Variants in DNAH8 observed in about 807,000 individuals in gnomAD.
DNAH8 encodes the protein dynein axonemal heavy chain 8.
DNAH8 carries 382 observed loss-of-function variants against 562.1 expected under a neutral mutation model. That is an observed-to-expected ratio of 0.68 (90% confidence interval 0.63 to 0.74). The LOEUF (loss-of-function observed/expected upper bound fraction) is 0.74. Ranked by LOEUF, DNAH8 falls within the 30% of genes least tolerant of loss-of-function variation. DNAH8 has a pLI of 0.00. For synonymous variants in DNAH8, 1,881 were observed against 1,919.4 expected (o/e 0.98, Z 0.52); for missense variants, 5,203 against 5,620.4 (o/e 0.93, Z 2.37).
intron 91 of DNAH8, among the ~76,000 whole-genome samples, chr6:39,019,257 C>T (rs940988742): frequency 6.6e-6 from 1 of 152,080 alleles, no homozygotes; most frequent in Non-Finnish European, 1.5e-5. Flanking sequence ...ACCTCGCACA[C>T]TGTAACAAGA....
chr6:38,719,504 G>A (rs537482827), intron 1 of DNAH8, among the ~76,000 whole-genome samples: 44 of 152,196 alleles, frequency 2.9e-4, no homozygotes, highest in Admixed American at 1.1e-3. Context: ...CTGTTTCTGT[G>A]TTAGTTCACT....
chr6:38,720,334 G>A (rs1462788262), intron 1 of DNAH8, among the ~76,000 whole-genome samples: 2 of 152,204 alleles, frequency 1.3e-5, no homozygotes, highest in African/African-American at 4.8e-5. Context: ...CTTGGCCAAA[G>A]AAGACACCAA....
chr6:39,026,833 G>T (rs1451535030), intron 92 of DNAH8, among the ~76,000 whole-genome samples, 166 bp downstream of exon 92: 1 of 152,228 alleles, frequency 6.6e-6, no homozygotes, highest in Non-Finnish European at 1.5e-5. Context: ...TCCCCCATCT[G>T]CCAGAGTGGA....
chr6:38,917,535 C>A, intron 69 of DNAH8, 129 bp downstream of exon 69: 1 of 757,374 alleles, frequency 1.3e-6, no homozygotes, highest in Non-Finnish European at 2.1e-6. Flanking sequence ...TTATCTTAAA[C>A]TCCATCACCT....
Position 38,908,044 on chromosome 6 carries a change from C to T in DNAH8, c.9437C>T (p.Pro3146Leu). The change falls in exon 64 of 93, where the codon CCT becomes CTT. Residue 3146 changes from proline to leucine, a missense_variant. Coordinates refer to ENST00000327475, the MANE Select transcript of DNAH8 (RefSeq NM_001206927.2). The part of the protein sequence containing the change: ...VMKRELPRHP[P>L]TFDNLYEYFI... ...AAGAGGGAGCTACCTCGCCATCCTC[C>T]TACCTTTGATAATTTGTATGAATAC... 1 of 1,612,162 alleles carries T rather than the reference C, an allele frequency of 6.2e-7. No individual in the cohort carries two copies. The highest frequency in any genetic ancestry group is 1.1e-5 in the South Asian group (1 of 90,848).
At chr6:38,825,004 G>A (rs191094944) in intron 28 of DNAH8, among the ~76,000 whole-genome samples, 1 of 152,206 alleles carries the variant, frequency 6.6e-6, no homozygotes, top group East Asian at 1.9e-4. Flanking sequence ...CCTCATAATG[G>A]TTAGCACTAT....
chr6:38,812,878 C>G (rs905875132), intron 24 of DNAH8, among the ~76,000 whole-genome samples: 3 of 152,128 alleles, frequency 2.0e-5, no homozygotes, highest in African/African-American at 7.2e-5. Context: ...CCTCTCCCTA[C>G]CTTGGTTTCC....
intron 3 of DNAH8, among the ~76,000 whole-genome samples, chr6:38,725,805 C>G (rs7761815): frequency 0.75 from 114,523 of 152,094 alleles, 43,524 homozygotes; most frequent in East Asian, 0.99. Flanking sequence ...TAAATGTCTC[C>G]CATTTTCATT....
chr6:39,011,135 C>T (rs1476397051), intron 89 of DNAH8, among the ~76,000 whole-genome samples: 2 of 151,028 alleles, frequency 1.3e-5, no homozygotes, highest in East Asian at 2.0e-4. Context: ...TTGTGCTTTC[C>T]GTCTTCCTCT....
intron 21 of DNAH8, among the ~76,000 whole-genome samples, chr6:38,792,610 G>T (rs952695639): frequency 6.6e-6 from 1 of 152,136 alleles, no homozygotes. Flanking sequence ...AGTCCTTGCA[G>T]GATAAAATGT....
chr6:38,813,926 A>G (rs755649061), intron 24 of DNAH8, 128 bp from the exon 25 acceptor site: 16 of 734,854 alleles, frequency 2.2e-5, no homozygotes, highest in Admixed American at 1.7e-4. Flanking sequence ...GTTATAAGTA[A>G]TATTCTCTTT....
intron 87 of DNAH8, among the ~76,000 whole-genome samples, chr6:38,985,519 T>C (rs537468114): frequency 6.6e-6 from 1 of 152,262 alleles, no homozygotes; most frequent in Admixed American, 6.5e-5. Context: ...AAGCTACATA[T>C]GGAGAACTGT....
At chr6:38,929,971 T>C (rs1782433848) in intron 75 of DNAH8, among the ~76,000 whole-genome samples, 1 of 152,112 alleles carries the variant, frequency 6.6e-6, no homozygotes, top group Non-Finnish European at 1.5e-5. Context: ...GGAAACACAT[T>C]GTCTGGTCTT....
chr6:38,738,166 G>A (rs972348682), intron 7 of DNAH8, among the ~76,000 whole-genome samples, 194 bp downstream of exon 7: 1 of 152,144 alleles, frequency 6.6e-6, no homozygotes, highest in South Asian at 2.1e-4. Context: ...TCAATTTTAA[G>A]ATATTTCTCA....
In DNAH8 at chr6:38,807,606, A is replaced by G; in HGVS notation, c.3151-4A>G. On this transcript the variant is annotated splice_region_variant and splice_polypyrimidine_tract_variant and intron_variant, in intron 23 of 92. Transcript: ENST00000327475. The stretch of plus-strand genomic sequence containing the variant: ...ACCAAATTTAATCTGATTTCTTATT[A>G]CAGGAGTGTAAAGAGGTCTTTGCTT... 1.4e-6 allele frequency: 2 copies of G among 1,459,858 alleles called. No individual in the cohort carries two copies. Among genetic ancestry groups the G allele is most frequent in the Non-Finnish European group, 9.1e-7 (1 of 1,097,464 alleles). 90.4% of individuals were successfully genotyped at this position (1,459,858 alleles called of 1,614,324 possible).
At chr6:39,030,006 T>C in intron 92 of DNAH8, 99 bp from the exon 93 acceptor site, 1 of 907,836 alleles carries the variant, frequency 1.1e-6, no homozygotes, top group Non-Finnish European at 1.7e-6. Context: ...GTTTTAAGAC[T>C]GGTGTGTGTT....
At chr6:38,796,225 C>T (rs1226281197) in intron 21 of DNAH8, among the ~76,000 whole-genome samples, 1 of 152,204 alleles carries the variant, frequency 6.6e-6, no homozygotes, top group Non-Finnish European at 1.5e-5. Flanking sequence ...CCAGAGCCAG[C>T]CCCGTGTGCC....
rs985065401 is a variant in DNAH8, at chr6:38,944,613, T to C, written c.12008-854T>C. Among the ~76,000 whole-genome samples the C allele has an allele frequency of 4.6e-5, 7 of 152,224 alleles. No individual in the cohort carries two copies. The East Asian group carries it at 1.2e-3, about 25-fold the overall frequency. ...AGGAATTTTTAAATTGTAAATATCA[T>C]CATGTATTTCATTGGAAAATGCTGG... is the stretch of plus-strand genomic sequence containing the variant. On this transcript the variant is annotated intron_variant, in intron 79 of 92. Coordinates refer to ENST00000327475, the MANE Select transcript of DNAH8 (RefSeq NM_001206927.2).
At chr6:38,933,798 G>T (rs1336281285) in intron 76 of DNAH8, among the ~76,000 whole-genome samples, 1 of 152,114 alleles carries the variant, frequency 6.6e-6, no homozygotes, top group Non-Finnish European at 1.5e-5. Flanking sequence ...CTAGTTACTG[G>T]CAGAGACCGG....
Sources: gnomAD v4.1 joint callset for allele counts (sites outside exome capture counted in the v4.1 genomes callset) on GRCh38, gnomAD v4.1.1 for gene constraint, MANE v1.5 for transcripts, NCBI Gene and HGNC (gene_info 2026-07-23, HGNC 2026-07-21) for gene names.